The following JAG1 variants were observed in gnomAD, a reference collection of about 807,000 sequenced individuals.
The protein encoded by JAG1 is jagged canonical Notch ligand 1.
Under a neutral mutation model 148.7 loss-of-function variants are expected in JAG1, and 23 were observed. The ratio of observed to expected loss-of-function variants is 0.15; its 90% confidence interval spans 0.11 to 0.22. JAG1 has a LOEUF of 0.22. JAG1 is among the 10% of genes least tolerant of loss of function. JAG1 has a pLI of 1.00. For synonymous variants in JAG1, 572 were observed against 598.3 expected (o/e 0.96, Z 0.64); for missense variants, 1,054 against 1,611.2 (o/e 0.65, Z 5.92).
At chr20:10,640,687 G>T in intron 25 of JAG1, 96 bp downstream of exon 25, 1 of 1,304,286 alleles carries the variant, frequency 7.7e-7, no homozygotes, top group Non-Finnish European at 1.1e-6. Context: ...CGAGGGTAGG[G>T]CACTGCCAGA....
Position 10,645,723 on chromosome 20 carries a change from T to C in JAG1, c.1999+248A>G, listed in dbSNP as rs2067304353. On this transcript the variant is annotated intron_variant, in intron 15 of 25. Coordinates refer to ENST00000254958, the MANE Select transcript of JAG1 (RefSeq NM_000214.3). This position sits in a 1 kb window ranked among gnomAD's most constrained non-coding sequence, Gnocchi z 6.1. ...TGGAAATGAAAGTAGAAATATGACT[T>C]TCCTTGCAAGCAGGAATATTTATTA... is the stretch of plus-strand genomic sequence containing the variant. 1 of 616,572 alleles carries C rather than the reference T, an allele frequency of 1.6e-6. No homozygotes were observed. The highest frequency in any genetic ancestry group is 1.8e-5 in the African/African-American group (1 of 54,180). The allele number at this position is 616,572 out of a possible 1,614,324, so 38.2% of individuals were successfully genotyped here. A position where few individuals can be genotyped will look rare whatever the true frequency, so the allele number is the denominator to read the frequency against.
At chr20:10,641,064 GA>G in intron 24 of JAG1, 48 bp downstream of exon 24, 1 of 1,613,524 alleles carries the variant, frequency 6.2e-7, no homozygotes, top group Non-Finnish European at 8.5e-7. Flanking sequence ...CTGGTTAACC[GA>G]ACTGCCTTGC....
chr20:10,647,134 C>A, intron 13 of JAG1, 31 bp from the exon 14 acceptor site: 1 of 1,613,858 alleles, frequency 6.2e-7, no homozygotes, highest in Non-Finnish European at 8.5e-7. Flanking sequence ...CAGATCACAG[C>A]CATGCACCCA....
At chr20:10,647,880 T>C (rs189057939) in intron 13 of JAG1, 80 bp downstream of exon 13, 34 of 1,451,174 alleles carry the variant, frequency 2.3e-5, no homozygotes, top group Middle Eastern at 4.5e-4. Context: ...ACTTCTCAAG[T>C]GTAACAAGGG....
chr20:10,669,836 C>T (rs1248747595), intron 2 of JAG1, among the ~76,000 whole-genome samples: 1 of 152,102 alleles, frequency 6.6e-6, no homozygotes. Context: ...TTGGGAGGTA[C>T]AGATTAACCG....
At chr20:10,650,567 A>G in intron 8 of JAG1, 1 of 568,730 alleles carries the variant, frequency 1.8e-6, no homozygotes, top group East Asian at 3.1e-5. Flanking sequence ...CAGTTCATGT[A>G]ATCCCCAACC....
Position 10,673,627 on chromosome 20 carries a change from C to G in JAG1, c.-97G>C. 1 of 508,920 alleles carries G rather than the reference C, an allele frequency of 2.0e-6. No individual in the cohort carries two copies. Among genetic ancestry groups the G allele is most frequent in the Non-Finnish European group, 2.9e-6 (1 of 347,350 alleles). 31.5% of individuals were successfully genotyped at this position (508,920 alleles called of 1,614,324 possible). ...CCGTCGCCGCTGCCCCTGCGGCCGC[C>G]GCGTCCCGGCTCTAATATACTCCGC... On this transcript the variant is annotated 5_prime_UTR_variant, in exon 1 of 26. Coordinates refer to ENST00000254958, the MANE Select transcript of JAG1 (RefSeq NM_000214.3). This position sits in a 1 kb window ranked among gnomAD's most constrained non-coding sequence, Gnocchi z 4.7.
At chr20:10,664,373 AAC>A (rs59417356) in intron 2 of JAG1, among the ~76,000 whole-genome samples, 8,031 of 144,254 alleles carry the variant, frequency 0.056, 447 homozygotes, top group African/African-American at 0.15. Context: ...TGCATGAGGA[AAC>A]ACACACACAC....
intron 19 of JAG1, 79 bp downstream of exon 19, chr20:10,644,274 TCTCA>T: frequency 2.2e-5 from 15 of 688,530 alleles, no homozygotes; most frequent in East Asian, 3.2e-5. Flanking sequence ...CCTGGGTGAT[TCTCA>T]CACACACACA....
chr20:10,654,313 A>G (rs2067364982), intron 5 of JAG1, among the ~76,000 whole-genome samples: 1 of 152,252 alleles, frequency 6.6e-6, no homozygotes, highest in Non-Finnish European at 1.5e-5. Flanking sequence ...AAGAAAACAA[A>G]TAAAAATACT....
Position 10,639,381 on chromosome 20 carries a change from C to T in JAG1, c.*117G>A, listed in dbSNP as rs898824375. On this transcript the variant is annotated 3_prime_UTR_variant, in exon 26 of 26. Coordinates refer to ENST00000254958, the MANE Select transcript of JAG1 (RefSeq NM_000214.3). Reference sequence around the variant, plus strand: ...GCCAGTGTAAGCCAGCTTGTCAAAACTTAAATTAACACAGGGATTCTAAGT... The same window carrying T: ...GCCAGTGTAAGCCAGCTTGTCAAAATTTAAATTAACACAGGGATTCTAAGT... 2 of 1,009,080 alleles carry T rather than the reference C, an allele frequency of 2.0e-6. No homozygotes were observed. Among genetic ancestry groups the T allele is most frequent in the Non-Finnish European group, 3.2e-6 (2 of 630,950 alleles). 62.5% of individuals were successfully genotyped at this position (1,009,080 alleles called of 1,614,324 possible).
In JAG1 at chr20:10,648,074, T is replaced by G. The variant is rs1176315498; in HGVS notation, c.1606A>C (p.Asn536His). 18 of 1,614,040 alleles carry G rather than the reference T, an allele frequency of 1.1e-5. No homozygotes were observed. Among genetic ancestry groups the G allele is most frequent in the Non-Finnish European group, 1.4e-5 (17 of 1,180,026 alleles). Residue 536 changes from asparagine to histidine, a missense_variant, in exon 13 of 26, where the codon AAC (asparagine) becomes CAC (histidine). By Grantham distance (68) the Asn-to-His change is moderately conservative (BLOSUM62 1). Around this residue, in one of 6 missense-constraint regions of JAG1, gnomAD observed 245 missense variants for 373.1 expected, o/e 0.66. Transcript: ENST00000254958. ...GCACGGTTGTAGCACTGGGCACCGT[T>G]CTGGCAGGGATTAGGCTCACAATAA... ...IDYCEPNPCQ[N>H]GAQCYNRASD...
chr20:10,650,576 C>T (rs1473935402), intron 8 of JAG1: 1 of 552,310 alleles, frequency 1.8e-6, no homozygotes, highest in African/African-American at 1.9e-5. Context: ...TAATCCCCAA[C>T]CTAAGCAGTG....
chr20:10,650,404 C>T, intron 8 of JAG1, 44 bp from the exon 9 acceptor site: 1 of 1,120,518 alleles, frequency 8.9e-7, no homozygotes, highest in Non-Finnish European at 1.4e-6. Flanking sequence ...TAATTCAATC[C>T]ATCTGACAAT....
intron 9 of JAG1, 138 bp from the exon 10 acceptor site, chr20:10,649,773 G>C (rs1047968007): frequency 2.9e-6 from 2 of 691,778 alleles, no homozygotes; most frequent in African/African-American, 3.5e-5. Context: ...GATACTAGAG[G>C]TTCCCTCTAT....
chr20:10,639,624 C>T lies in JAG1; in HGVS notation c.3531G>A (p.Thr1177=), dbSNP rs778296544. 9 of 1,614,216 alleles carry T rather than the reference C, an allele frequency of 5.6e-6. No homozygotes were observed. Among genetic ancestry groups the T allele is most frequent in the South Asian group, 4.4e-5 (4 of 91,088 alleles). ...KARFAKQPAY[T]LVDREEKPPN... ...GGGGCTTCTCTTCTCTGTCTACCAGCGTGTACGCCGGCTGCTTGGCAAACC... is the reference window on the plus strand; with the variant it reads ...GGGGCTTCTCTTCTCTGTCTACCAGTGTGTACGCCGGCTGCTTGGCAAACC... The change falls in exon 26 of 26, where the codon ACG becomes ACA. Residue 1177 remains threonine (T), a synonymous_variant. Coordinates refer to ENST00000254958, the MANE Select transcript of JAG1 (RefSeq NM_000214.3).
intron 3 of JAG1, among the ~76,000 whole-genome samples, chr20:10,662,044 G>T (rs1230759421): frequency 6.6e-6 from 1 of 152,208 alleles, no homozygotes; most frequent in Non-Finnish European, 1.5e-5. Flanking sequence ...TTTTGACTGT[G>T]CTGAATTCAA....
intron 2 of JAG1, among the ~76,000 whole-genome samples, chr20:10,665,848 T>C (rs1202819071): frequency 1.3e-5 from 2 of 152,152 alleles, no homozygotes; most frequent in Non-Finnish European, 2.9e-5. Flanking sequence ...CTCAGTTTAA[T>C]ACTCAAAGAG....
rs549282636 is a variant in JAG1 at position 10,673,035 on chromosome 20, C to T, written c.82-29G>A. The T allele has an allele frequency of 1.6e-5, 26 of 1,599,420 alleles. No individual in the cohort carries two copies. The South Asian group carries it at 2.5e-4, about 16-fold the overall frequency. On this transcript the variant is annotated intron_variant, in intron 1 of 25. Transcript: ENST00000254958. The surrounding 1 kb of genome is among the most constrained non-coding windows in gnomAD (Gnocchi z 4.7). ...CCGGCGAGGGAAGGAGGTAGGTCAG[C>T]GCGGGAGAAAGCTGTTTTCTTCGAG... is the stretch of plus-strand genomic sequence containing the variant.
Sources: allele counts gnomAD v4.1 joint callset (sites outside exome capture counted in the v4.1 genomes callset), GRCh38; gene constraint gnomAD v4.1.1; regional missense constraint gnomAD v4.1.1; non-coding constraint Gnocchi (gnomAD v3.1); transcripts MANE v1.5; gene names NCBI Gene and HGNC (gene_info 2026-07-23, HGNC 2026-07-21).